The following ARID4B variants were observed in gnomAD, a reference collection of about 807,000 sequenced individuals.
The protein encoded by ARID4B is AT-rich interaction domain 4B, also known as AT-rich interactive domain-containing protein 4B.
Under a neutral mutation model 147.5 loss-of-function variants are expected in ARID4B, and 26 were observed. The ratio of observed to expected loss-of-function variants is 0.18; its 90% CI spans 0.13 to 0.24. The LOEUF is 0.24. ARID4B is among the 10% of genes least tolerant of loss of function. The pLI is 1.00. For synonymous variants in ARID4B, 512 were observed against 507.9 expected, an observed-to-expected ratio of 1.01 and a Z score of -0.11; for missense variants, 1,179 against 1,511.5, an observed-to-expected ratio of 0.78 and a Z score of 3.65.
At chr1:235,231,657 T>C (rs1668243921) in intron 9 of ARID4B, among the ~76,000 whole-genome samples, 1 of 152,138 alleles carries the variant, frequency 6.6e-6, no homozygotes, top group Non-Finnish European at 1.5e-5. Context: ...CCGGCTAATT[T>C]TTGTATTTTT....
chr1:235,245,752 T>C (rs1669263684), intron 7 of ARID4B, among the ~76,000 whole-genome samples: 2 of 152,144 alleles, frequency 1.3e-5, no homozygotes, highest in Admixed American at 1.3e-4. Context: ...TATGTAACAT[T>C]TACTCTATAA....
intron 17 of ARID4B, among the ~76,000 whole-genome samples, chr1:235,212,852 C>A (rs919935419): frequency 3.3e-5 from 5 of 152,060 alleles, no homozygotes; most frequent in Non-Finnish European, 5.9e-5. Context: ...ACTTCCCAAA[C>A]CACAGAATAT....
chr1:235,240,224 G>A, intron 8 of ARID4B, 89 bp downstream of exon 8: 1 of 1,175,364 alleles, frequency 8.5e-7, no homozygotes, highest in Non-Finnish European at 1.2e-6. Context: ...TCCTCATTTT[G>A]TACCTATGAA....
chr1:235,168,850 C>T (rs919272595), intron 23 of ARID4B, among the ~76,000 whole-genome samples, 198 bp from the exon 24 acceptor site: 1 of 152,072 alleles, frequency 6.6e-6, no homozygotes, highest in African/African-American at 2.4e-5. Context: ...AGACAGTGCC[C>T]AACTACAGAA....
intron 20 of ARID4B, among the ~76,000 whole-genome samples, chr1:235,178,813 C>A (rs187954809): frequency 6.6e-6 from 1 of 151,940 alleles, no homozygotes; most frequent in Non-Finnish European, 1.5e-5. Flanking sequence ...CTTCCTTGAT[C>A]AAAAACAGGA....
In ARID4B at chr1:235,182,318, T is replaced by TTCA; in HGVS notation, c.2600_2601insTGA (p.Glu866_Glu867insAsp). On this transcript the variant is annotated inframe_insertion, in exon 20 of 24. Transcript: ENST00000264183. ...TTGGTGTCATCTTTGCTTTTGTTTC[T>TTCA]TCTTCATCTTCATCTGAAGAGCTGT... 6.2e-7 allele frequency: 1 copy of TTCA among 1,614,070 alleles called. No individual in the cohort carries two copies. Among genetic ancestry groups the TTCA allele is most frequent in the South Asian group, 1.1e-5 (1 of 91,044 alleles).
chr1:235,316,948 C>A (rs780426224), intron 2 of ARID4B, among the ~76,000 whole-genome samples: 1 of 152,172 alleles, frequency 6.6e-6, no homozygotes, highest in African/African-American at 2.4e-5. Flanking sequence ...CTCACTGGAA[C>A]ATTTTGGATT....
intron 17 of ARID4B, among the ~76,000 whole-genome samples, chr1:235,198,002 G>A (rs11587991): frequency 0.13 from 20,246 of 152,134 alleles, 1,577 homozygotes; most frequent in African/African-American, 0.2. Flanking sequence ...ATCCTCTGTA[G>A]ATTTCAGTAT....
chr1:235,234,433 T>G lies in ARID4B; in HGVS notation c.645A>C (p.Arg215=). The change falls in exon 9 of 24, where the codon CGA becomes CGC. Residue 215 remains arginine, a synonymous_variant. Coordinates refer to ENST00000264183, the MANE Select transcript of ARID4B (RefSeq NM_016374.6). ...CTTACAATTTTCCATCTTTGAAAGATCGAACAAGAATATTGTCCTTTTTTA... is the reference window on the plus strand; with the variant it reads ...CTTACAATTTTCCATCTTTGAAAGAGCGAACAAGAATATTGTCCTTTTTTA... ...IAVKKDNILV[R]SFKDGKFTSV... The G allele has an allele frequency of 6.2e-7, 1 of 1,604,942 alleles. No homozygotes were observed. The highest frequency in any genetic ancestry group is 8.5e-7 in the Non-Finnish European group (1 of 1,173,496).
At chr1:235,287,270 A>AT (rs34889138) in intron 2 of ARID4B, among the ~76,000 whole-genome samples, 43,492 of 149,214 alleles carry the variant, frequency 0.29, 7,321 homozygotes, top group South Asian at 0.52. Context: ...GAAAAAATAA[A>AT]TTTTTTTTTT....
chr1:235,170,532 A>C (rs1196478104), intron 23 of ARID4B, among the ~76,000 whole-genome samples: 2 of 152,072 alleles, frequency 1.3e-5, no homozygotes, highest in Non-Finnish European at 2.9e-5. Context: ...AGGTCAGGAG[A>C]TCGAGACCAT....
At chr1:235,270,253 A>G (rs1389184967) in intron 2 of ARID4B, among the ~76,000 whole-genome samples, 1 of 152,226 alleles carries the variant, frequency 6.6e-6, no homozygotes, top group Non-Finnish European at 1.5e-5. Flanking sequence ...ACTGGACTCC[A>G]GCCCGGGCGA....
intron 9 of ARID4B, among the ~76,000 whole-genome samples, chr1:235,233,876 C>T (rs573940639): frequency 8.5e-5 from 13 of 152,252 alleles, no homozygotes; most frequent in Middle Eastern, 6.8e-3. Flanking sequence ...ATCAGGAGTT[C>T]GAGACCAGCC....
At chr1:235,251,816 C>A (rs1669662976) in intron 6 of ARID4B, among the ~76,000 whole-genome samples, 1 of 152,090 alleles carries the variant, frequency 6.6e-6, no homozygotes. Context: ...AACGTAACAC[C>A]ATTTAGAGCA....
At chr1:235,213,729 T>C in intron 17 of ARID4B, 40 bp downstream of exon 17, 1 of 1,562,912 alleles carries the variant, frequency 6.4e-7, no homozygotes, top group South Asian at 1.2e-5. Context: ...TATTTTATAA[T>C]TGTTTTTAGG....
intron 19 of ARID4B, among the ~76,000 whole-genome samples, chr1:235,188,600 A>T (rs1338133023): frequency 1.3e-5 from 2 of 152,198 alleles, no homozygotes; most frequent in Non-Finnish European, 2.9e-5. Context: ...TGCTGAAATT[A>T]GGGGGATTCA....
chr1:235,253,224 C>T (rs1669750892), intron 5 of ARID4B, among the ~76,000 whole-genome samples: 1 of 152,168 alleles, frequency 6.6e-6, no homozygotes, highest in Non-Finnish European at 1.5e-5. Context: ...AAAAAAATAA[C>T]TGTATTTTCA....
At chr1:235,211,205 G>A (rs760091644) in intron 17 of ARID4B, among the ~76,000 whole-genome samples, 5 of 152,030 alleles carry the variant, frequency 3.3e-5, no homozygotes, top group South Asian at 2.1e-4. Context: ...GTGGTGGTGC[G>A]TGCCTATCTC....
At chr1:235,175,109 A>G in intron 22 of ARID4B, 75 bp downstream of exon 22, 1 of 1,391,494 alleles carries the variant, frequency 7.2e-7, no homozygotes, top group Non-Finnish European at 1.0e-6. Flanking sequence ...CTGTCTCTAA[A>G]AACAAAAACA....
Sources: allele counts gnomAD v4.1 joint callset (sites outside exome capture counted in the v4.1 genomes callset), GRCh38; gene constraint gnomAD v4.1.1; transcripts MANE v1.5; gene names NCBI Gene and HGNC (gene_info 2026-07-23, HGNC 2026-07-21).